CD8B: variants seen among roughly 807,000 people sequenced by gnomAD.
CD8B encodes the protein T-cell surface glycoprotein CD8 beta chain.
In CD8B, 6 loss-of-function variants were observed where a neutral mutation model predicts 24.2. The observed-to-expected ratio is 0.25, with a 90% CI of 0.14 to 0.49. The LOEUF (loss-of-function observed/expected upper bound fraction) is 0.49. Ranked by LOEUF, CD8B falls within the 20% of genes least tolerant of loss-of-function variation. The probability of loss-of-function intolerance (pLI) is 0.98; values close to 1 mark genes in which losing one functional copy is unlikely to be tolerated. For missense variants in CD8B, 196 were observed against 271.3 expected, an observed-to-expected ratio of 0.72 and a Z score of 1.95; for synonymous variants, 84 against 108.3, an observed-to-expected ratio of 0.78 and a Z score of 1.39.
chr2:86,849,779 C>A (rs1177226024), intron 3 of CD8B, among the ~76,000 whole-genome samples: 1 of 150,086 alleles, frequency 6.7e-6, no homozygotes, highest in Non-Finnish European at 1.5e-5. Flanking sequence ...TCTCGGCTCA[C>A]CACAACCTCC....
chr2:86,835,099 G>C (rs574724826), downstream of CD8B, among the ~76,000 whole-genome samples: 1 of 152,328 alleles, frequency 6.6e-6, no homozygotes, highest in African/African-American at 2.4e-5. Context: ...TCTGTGCTGG[G>C]TGGGGCTGGC....
intron 5 of CD8B, among the ~76,000 whole-genome samples, chr2:86,842,612 C>G (rs1675488726): frequency 1.3e-5 from 2 of 152,104 alleles, no homozygotes; most frequent in South Asian, 4.1e-4. Flanking sequence ...TATCAAGGGG[C>G]CAGAAGAAAT....
chr2:86,834,968 G>A (rs548052315), downstream of CD8B, among the ~76,000 whole-genome samples: 5 of 146,648 alleles, frequency 3.4e-5, no homozygotes, highest in African/African-American at 7.5e-5. Context: ...AAAGACAAGC[G>A]TTCCCCTGCA....
chr2:86,845,625 A>G (rs1675639062), intron 4 of CD8B, among the ~76,000 whole-genome samples: 1 of 152,222 alleles, frequency 6.6e-6, no homozygotes. Context: ...CATACATAAA[A>G]TATTAAATAA....
At chr2:86,833,195 CTTTT>C (rs878931885), downstream of CD8B, among the ~76,000 whole-genome samples, 2 of 138,070 alleles carry the variant, frequency 1.4e-5, no homozygotes, top group Admixed American at 7.5e-5. Flanking sequence ...GTTAATCTGT[CTTTT>C]TTTTTTTTTT....
At chr2:86,834,935 CAAAAAAAAAA>C (rs59354571), downstream of CD8B, among the ~76,000 whole-genome samples, 1 of 93,948 alleles carries the variant, frequency 1.1e-5, no homozygotes, top group Non-Finnish European at 2.1e-5. Flanking sequence ...AACTCTGTCT[CAAAAAAAAAA>C]AAAAAAAAAA....
intron 5 of CD8B, among the ~76,000 whole-genome samples, chr2:86,829,864 C>T (rs936396394): frequency 1.3e-4 from 17 of 133,244 alleles, no homozygotes; most frequent in African/African-American, 4.4e-4. Flanking sequence ...TTCTTACACA[C>T]AGATAATTTC....
Position 86,844,620 on chromosome 2 carries a change from C to G in CD8B, c.620+302G>C, listed in dbSNP as rs1484424751. 1.2e-4 allele frequency: 166 copies of G among 1,438,614 alleles called. 1 individual carries two copies. Among genetic ancestry groups the G allele is most frequent in the Non-Finnish European group, 1.5e-4 (162 of 1,085,212 alleles). The allele number at this position is 1,438,614 out of a possible 1,614,324, so 89.1% of individuals were successfully genotyped here. A position where few individuals can be genotyped will look rare whatever the true frequency, so the allele number is the denominator to read the frequency against. Reference sequence around the variant, plus strand: ...AGGTTATCTCTTAGGTTCCTGAACTCTATCACCCCATCTATTTATACAGTC... The same window carrying G: ...AGGTTATCTCTTAGGTTCCTGAACTGTATCACCCCATCTATTTATACAGTC... On this transcript the variant is annotated intron_variant, in intron 5 of 5. Coordinates refer to ENST00000390655, the MANE Select transcript of CD8B (RefSeq NM_004931.5).
intron 1 of CD8B, among the ~76,000 whole-genome samples, chr2:86,860,558 G>C (rs546898961): frequency 6.6e-6 from 1 of 152,294 alleles, no homozygotes; most frequent in East Asian, 1.9e-4. Flanking sequence ...CTTTACCCAT[G>C]AGGAAAGAGA....
At chr2:86,849,106 C>G (rs1448397088) in intron 3 of CD8B, among the ~76,000 whole-genome samples, 2 of 152,272 alleles carry the variant, frequency 1.3e-5, no homozygotes, top group Admixed American at 6.5e-5. Flanking sequence ...GGTCACCCAG[C>G]TACTAAAAGG....
chr2:86,841,579 C>G lies in CD8B; in HGVS notation c.*728G>C, dbSNP rs912062373. 4.1e-6 allele frequency: 4 copies of G among 985,188 alleles called. No homozygotes were observed. The highest frequency in any genetic ancestry group is 1.7e-5 in the African/African-American group (1 of 57,220). 61.0% of individuals were successfully genotyped at this position (985,188 alleles called of 1,614,324 possible). On this transcript the variant is annotated 3_prime_UTR_variant, in exon 6 of 6. Transcript: ENST00000390655. The stretch of plus-strand genomic sequence containing the variant: ...CTTTCGCACGTTTATGTCACAGGAG[C>G]CGTTTGTTATCTTTAACCTGGGACT...
intron 3 of CD8B, among the ~76,000 whole-genome samples, chr2:86,848,539 G>A (rs1558759329): frequency 6.6e-6 from 1 of 151,892 alleles, no homozygotes. Flanking sequence ...AGGGCCCATG[G>A]GTGAAAGGGC....
chr2:86,832,772 A>G (rs1236618788), intron 5 of CD8B, among the ~76,000 whole-genome samples: 1 of 152,194 alleles, frequency 6.6e-6, no homozygotes, highest in Non-Finnish European at 1.5e-5. Context: ...GGAGCTTTTC[A>G]ATGTATTATA....
downstream of CD8B, among the ~76,000 whole-genome samples, chr2:86,834,127 T>TA (rs1386909836): frequency 1.3e-5 from 2 of 152,188 alleles, no homozygotes; most frequent in Admixed American, 1.3e-4. Context: ...ATGATGCTTC[T>TA]ACTTTCCCGG....
At chr2:86,835,399 A>T (rs1312954621), downstream of CD8B, among the ~76,000 whole-genome samples, 1 of 152,130 alleles carries the variant, frequency 6.6e-6, no homozygotes, top group Non-Finnish European at 1.5e-5. Context: ...CCCAAACTCC[A>T]TCTTCTGCCC....
downstream of CD8B, among the ~76,000 whole-genome samples, chr2:86,835,466 G>A (rs923659108): frequency 3.9e-5 from 6 of 152,072 alleles, no homozygotes; most frequent in Admixed American, 1.3e-4. Flanking sequence ...TGCTGATCAC[G>A]TTTACTGTTG....
chr2:86,850,091 T>C (rs564062267), intron 3 of CD8B, among the ~76,000 whole-genome samples: 7 of 152,274 alleles, frequency 4.6e-5, no homozygotes, highest in African/African-American at 1.7e-4. Context: ...GGAGAGGTCA[T>C]GGTTAAGACC....
chr2:86,830,354 G>T (rs1033622656), intron 5 of CD8B, among the ~76,000 whole-genome samples: 1 of 152,198 alleles, frequency 6.6e-6, no homozygotes, highest in Non-Finnish European at 1.5e-5. Flanking sequence ...GTCAGTTGAG[G>T]CCAGCAGTTC....
chr2:86,825,283 C>T (rs1674632123), intron 5 of CD8B, among the ~76,000 whole-genome samples: 4 of 152,096 alleles, frequency 2.6e-5, no homozygotes, highest in South Asian at 2.1e-4. Context: ...CCAGGGATGG[C>T]GGCAGCTCTG....
Sources: gnomAD v4.1 joint callset for allele counts (sites outside exome capture counted in the v4.1 genomes callset) on GRCh38, gnomAD v4.1.1 for gene constraint, MANE v1.5 for transcripts, NCBI Gene and HGNC (gene_info 2026-07-23, HGNC 2026-07-21) for gene names.